FSTL4: variants seen among roughly 807,000 people sequenced by gnomAD.
FSTL4 encodes the protein follistatin-related protein 4.
Under a neutral mutation model 78.2 loss-of-function variants are expected in FSTL4, and 28 were observed. The observed-to-expected ratio is 0.36, with a 90% CI of 0.27 to 0.49. The LOEUF (loss-of-function observed/expected upper bound fraction) is 0.49. FSTL4 is among the 20% of genes least tolerant of loss of function. The probability of loss-of-function intolerance (pLI) is 0.98; values close to 1 mark genes in which losing one functional copy is unlikely to be tolerated. For synonymous variants in FSTL4, 422 were observed against 440.5 expected (o/e 0.96, Z 0.53); for missense variants, 922 against 1,084.9 (o/e 0.85, Z 2.11).
At chr5:133,767,203 C>T in the FSTL4 span, among the ~76,000 whole-genome samples, 2 of 152,046 alleles carry the variant, frequency 1.3e-5, no homozygotes, top group Non-Finnish European at 2.9e-5. Context: ...GTTATCCCAC[C>T]CGAGGGAAAG....
chr5:133,340,604 C>T (rs1754558583), intron 4 of FSTL4, among the ~76,000 whole-genome samples: 1 of 152,138 alleles, frequency 6.6e-6, no homozygotes, highest in Admixed American at 6.5e-5. Flanking sequence ...TCTCTAAAGC[C>T]ACCAGGAGAA....
At chr5:133,715,856 C>G in the FSTL4 span, among the ~76,000 whole-genome samples, 1 of 152,178 alleles carries the variant, frequency 6.6e-6, no homozygotes, top group Admixed American at 6.5e-5. Context: ...TTTGCTTTCC[C>G]CACTCAGCTC....
chr5:133,770,182 G>T, the FSTL4 span, among the ~76,000 whole-genome samples: 1 of 151,992 alleles, frequency 6.6e-6, no homozygotes, highest in African/African-American at 2.4e-5. Context: ...TGTGAATAGT[G>T]TTACAATAAA....
the FSTL4 span, among the ~76,000 whole-genome samples, chr5:133,625,775 T>TTCC: frequency 2.7e-5 from 1 of 37,608 alleles, no homozygotes; most frequent in African/African-American, 1.5e-4. Context: ...ATATTCCATA[T>TTCC]ATATATATTC....
At chr5:133,238,880 C>A (rs1751742533) in intron 7 of FSTL4, among the ~76,000 whole-genome samples, 1 of 152,244 alleles carries the variant, frequency 6.6e-6, no homozygotes, top group Non-Finnish European at 1.5e-5. Context: ...GCCTTGGTTC[C>A]CACTCTGGCC....
the FSTL4 span, among the ~76,000 whole-genome samples, chr5:133,737,895 G>A: frequency 2.0e-5 from 3 of 152,052 alleles, no homozygotes; most frequent in Admixed American, 6.5e-5. Flanking sequence ...GAGCCACCGC[G>A]CCCGGCCTGA....
chr5:133,602,184 C>G (rs1280429739), intron 2 of FSTL4, among the ~76,000 whole-genome samples: 2 of 152,156 alleles, frequency 1.3e-5, no homozygotes, highest in African/African-American at 4.8e-5. Flanking sequence ...AGAATCTACA[C>G]AGTCATCACC....
chr5:133,752,849 G>A, the FSTL4 span, among the ~76,000 whole-genome samples: 1 of 152,070 alleles, frequency 6.6e-6, no homozygotes, highest in South Asian at 2.1e-4. Flanking sequence ...GTTACTGGTC[G>A]ACCAGCTCTC....
chr5:133,609,503 G>A (rs887928182), intron 1 of FSTL4, among the ~76,000 whole-genome samples: 1 of 152,210 alleles, frequency 6.6e-6, no homozygotes, highest in Non-Finnish European at 1.5e-5. Flanking sequence ...GTTTTGATAT[G>A]TGAGTGTTTT....
the FSTL4 span, among the ~76,000 whole-genome samples, chr5:133,681,354 G>C: frequency 6.6e-6 from 1 of 152,206 alleles, no homozygotes; most frequent in Admixed American, 6.5e-5. Context: ...CTGCCTCAGG[G>C]GGATTGGAGG....
At chr5:133,318,825 G>A (rs538236094) in intron 4 of FSTL4, among the ~76,000 whole-genome samples, 11 of 152,340 alleles carry the variant, frequency 7.2e-5, no homozygotes, top group Non-Finnish European at 1.3e-4. Flanking sequence ...TTGGTGGGGC[G>A]TAAACCACTT....
At chr5:133,526,776 G>A (rs1248381194) in intron 3 of FSTL4, among the ~76,000 whole-genome samples, 3 of 152,128 alleles carry the variant, frequency 2.0e-5, no homozygotes, top group African/African-American at 7.2e-5. Context: ...GGATGAATGC[G>A]AAACAGGAGA....
At chr5:133,822,190 A>G in the FSTL4 span, among the ~76,000 whole-genome samples, 1 of 152,190 alleles carries the variant, frequency 6.6e-6, no homozygotes, top group Non-Finnish European at 1.5e-5. Flanking sequence ...ATGTATCCAA[A>G]GTGCACATCT....
At chr5:133,322,405 C>T (rs1754093166) in intron 4 of FSTL4, among the ~76,000 whole-genome samples, 1 of 152,220 alleles carries the variant, frequency 6.6e-6, no homozygotes, top group African/African-American at 2.4e-5. Context: ...CTTGCCCCAG[C>T]CTTAGTTTGG....
intron 4 of FSTL4, among the ~76,000 whole-genome samples, chr5:133,349,291 C>CTGTGTGTG (rs1192644109): frequency 5.2e-5 from 5 of 96,716 alleles, no homozygotes; most frequent in African/African-American, 2.1e-4. Flanking sequence ...GAAAGCCTCT[C>CTGTGTGTG]TCTCTGTGTG....
chr5:133,385,630 T>C (rs1010512470), intron 4 of FSTL4, among the ~76,000 whole-genome samples: 1 of 152,202 alleles, frequency 6.6e-6, no homozygotes, highest in Admixed American at 6.5e-5. Flanking sequence ...GAGCCATACA[T>C]AGTCCCCGGC....
chr5:133,398,977 C>T (rs1756146910), intron 4 of FSTL4, among the ~76,000 whole-genome samples: 1 of 152,204 alleles, frequency 6.6e-6, no homozygotes. Flanking sequence ...CTGATCTGCT[C>T]AAGGCTGCCT....
rs1554069392 is a variant in FSTL4, at chr5:133,537,783, CAT to C, written c.160+29401_160+29402del. Among the ~76,000 whole-genome samples the C allele has an allele frequency of 5.1e-3, 756 of 149,164 alleles. 4 individuals carry two copies. The highest frequency in any genetic ancestry group is 0.016 in the African/African-American group (661 of 40,544). Reference sequence around the variant, plus strand: ...CCATTTGCTTATCATTTCTCTCTCACATATATATATATATACACACACACACA... The same window carrying C: ...CCATTTGCTTATCATTTCTCTCTCACATATATATATATACACACACACACA... On this transcript the variant is annotated intron_variant, in intron 3 of 15. Transcript: ENST00000265342.
chr5:133,693,529 A>G, the FSTL4 span, among the ~76,000 whole-genome samples: 1 of 152,210 alleles, frequency 6.6e-6, no homozygotes, highest in African/African-American at 2.4e-5. Flanking sequence ...GTCAGCAGCC[A>G]TATTTTATTG....
Sources: gnomAD v4.1 joint callset for allele counts (sites outside exome capture counted in the v4.1 genomes callset) on GRCh38, gnomAD v4.1.1 for gene constraint, MANE v1.5 for transcripts, NCBI Gene and HGNC (gene_info 2026-07-23, HGNC 2026-07-21) for gene names.